The following DTNB variants were observed in gnomAD, a reference collection of about 807,000 sequenced individuals.
DTNB encodes the protein DTN-B.
A neutral mutation model predicts 90.7 loss-of-function variants in DTNB; 63 were observed. That is an observed-to-expected ratio of 0.69 (90% CI 0.57 to 0.86). The LOEUF (loss-of-function observed/expected upper bound fraction) is 0.86, where lower values mean the gene tolerates loss of function less well. DTNB is among the 40% of genes least tolerant of loss of function. The pLI, the probability that DTNB is intolerant of heterozygous loss-of-function variation, is 0.00. For synonymous variants in DTNB, 277 were observed against 286.7 expected (o/e 0.97, Z 0.34); for missense variants, 744 against 807.1 (o/e 0.92, Z 0.95).
At chr2:25,556,855 T>C (rs898482161) in intron 8 of DTNB, among the ~76,000 whole-genome samples, 27 of 152,204 alleles carry the variant, frequency 1.8e-4, no homozygotes, top group Non-Finnish European at 2.5e-4. Context: ...TAAGAAAATA[T>C]AGTGTATTAG....
At chr2:25,527,157 T>C (rs1455826560) in intron 9 of DTNB, among the ~76,000 whole-genome samples, 1 of 152,128 alleles carries the variant, frequency 6.6e-6, no homozygotes, top group Non-Finnish European at 1.5e-5. Flanking sequence ...CAGCCTTAAA[T>C]GCTTCTACTA....
At chr2:25,608,805 C>G (rs2067728399) in intron 4 of DTNB, among the ~76,000 whole-genome samples, 1 of 152,164 alleles carries the variant, frequency 6.6e-6, no homozygotes, top group Non-Finnish European at 1.5e-5. Context: ...TATTTGCTTT[C>G]TCATCTTTCT....
intron 8 of DTNB, among the ~76,000 whole-genome samples, chr2:25,568,455 T>C (rs1442123210): frequency 6.6e-6 from 1 of 151,898 alleles, no homozygotes; most frequent in African/African-American, 2.4e-5. Context: ...AGGTTAAGGC[T>C]AAAGACCATT....
intron 10 of DTNB, among the ~76,000 whole-genome samples, chr2:25,472,377 A>G (rs2062967550): frequency 1.3e-5 from 2 of 152,182 alleles, no homozygotes; most frequent in Admixed American, 1.3e-4. Context: ...TGGCATATGC[A>G]GCCACCTGCC....
At chr2:25,557,675 A>G (rs2057588296) in intron 8 of DTNB, among the ~76,000 whole-genome samples, 1 of 152,240 alleles carries the variant, frequency 6.6e-6, no homozygotes. Flanking sequence ...TGTATATTTA[A>G]CAAACAGCCC....
At chr2:25,574,421 A>C (rs186070430) in intron 8 of DTNB, among the ~76,000 whole-genome samples, 10 of 152,364 alleles carry the variant, frequency 6.6e-5, no homozygotes, top group Admixed American at 5.2e-4. Flanking sequence ...AGAATGAATT[A>C]TACTGCATAG....
intron 15 of DTNB, among the ~76,000 whole-genome samples, chr2:25,426,410 G>A (rs1382050895): frequency 6.6e-6 from 1 of 152,186 alleles, no homozygotes; most frequent in South Asian, 2.1e-4. Context: ...GGTATAAATA[G>A]GCTATAACTT....
intron 16 of DTNB, among the ~76,000 whole-genome samples, chr2:25,398,559 C>G (rs1475779096): frequency 6.6e-6 from 1 of 152,188 alleles, no homozygotes; most frequent in Non-Finnish European, 1.5e-5. Flanking sequence ...GTTCAGGAAG[C>G]CTGGAGACCG....
At chr2:25,448,294 C>T (rs959926400) in intron 12 of DTNB, among the ~76,000 whole-genome samples, 3 of 152,152 alleles carry the variant, frequency 2.0e-5, no homozygotes, top group African/African-American at 7.2e-5. Flanking sequence ...TGGCACAGTA[C>T]AGCAACAAAA....
At chr2:25,431,558 T>A (rs2053853815) in intron 14 of DTNB, among the ~76,000 whole-genome samples, 1 of 152,258 alleles carries the variant, frequency 6.6e-6, no homozygotes, top group Admixed American at 6.5e-5. Context: ...GATTTACATT[T>A]CTGCTTCTTG....
In DTNB at chr2:25,661,504, G is replaced by A. The variant is rs922984396; in HGVS notation, c.-1-8843C>T. On this transcript the variant is annotated intron_variant, in intron 1 of 20. Transcript: ENST00000406818. ...AAACCATAAAGGAATCCAAGGAAGGGATTACTATACAAATCAGGACAGCGA... is the reference window on the plus strand; with the variant it reads ...AAACCATAAAGGAATCCAAGGAAGGAATTACTATACAAATCAGGACAGCGA... Among the ~76,000 whole-genome samples, 6 of 152,218 alleles carry A rather than the reference G, an allele frequency of 3.9e-5. No individual in the cohort carries two copies. The East Asian group carries it at 7.7e-4, about 20-fold the overall frequency.
At chr2:25,607,127 T>C (rs2067274338) in intron 5 of DTNB, 109 bp downstream of exon 5, 2 of 1,170,160 alleles carry the variant, frequency 1.7e-6, no homozygotes, top group Non-Finnish European at 2.4e-6. Context: ...GTGAGTGACA[T>C]GGTAATTTTT....
chr2:25,571,771 C>G (rs1559074760), intron 8 of DTNB, among the ~76,000 whole-genome samples: 1 of 152,136 alleles, frequency 6.6e-6, no homozygotes, highest in Non-Finnish European at 1.5e-5. Flanking sequence ...CAGCCAGTTC[C>G]TTTGGAGACC....
intron 12 of DTNB, among the ~76,000 whole-genome samples, chr2:25,435,532 G>A (rs1197626384): frequency 6.6e-6 from 1 of 152,152 alleles, no homozygotes; most frequent in African/African-American, 2.4e-5. Context: ...TTAGCAAAAT[G>A]TTTTTAAAGT....
At chr2:25,414,928 A>ACT (rs1316747540) in intron 16 of DTNB, among the ~76,000 whole-genome samples, 49 of 152,266 alleles carry the variant, frequency 3.2e-4, no homozygotes, top group Middle Eastern at 3.4e-3. Flanking sequence ...TGGGCTGAAC[A>ACT]GTCACTCAGT....
At chr2:25,497,980 C>T (rs959897040) in intron 9 of DTNB, among the ~76,000 whole-genome samples, 1 of 152,090 alleles carries the variant, frequency 6.6e-6, no homozygotes. Flanking sequence ...CACCATTCTA[C>T]CCCAAATCAT....
At chr2:25,391,551 G>A (rs977826730) in intron 16 of DTNB, among the ~76,000 whole-genome samples, 4 of 152,102 alleles carry the variant, frequency 2.6e-5, no homozygotes, top group Non-Finnish European at 5.9e-5. Context: ...AGACATCACC[G>A]CACACCCACA....
At chr2:25,670,699 G>A (rs1256929097) in intron 1 of DTNB, among the ~76,000 whole-genome samples, 3 of 152,158 alleles carry the variant, frequency 2.0e-5, no homozygotes, top group Non-Finnish European at 4.4e-5. Flanking sequence ...CGTGTAATTC[G>A]AAATCAATAA....
In DTNB at chr2:25,628,196, TGAG is replaced by T; in HGVS notation, c.334_336del (p.Leu112del). 2 of 1,613,808 alleles carry T rather than the reference TGAG, an allele frequency of 1.2e-6. No homozygotes were observed. The highest frequency in any genetic ancestry group is 1.7e-6 in the Non-Finnish European group (2 of 1,179,870). ...CTGTCATATGCAGCAATCATAAAGTTGAGGAGGAGGCTGATAGATTGTTCCACA... is the reference window on the plus strand; with the variant it reads ...CTGTCATATGCAGCAATCATAAAGTTGAGGAGGCTGATAGATTGTTCCACA... On this transcript the variant is annotated inframe_deletion, in exon 4 of 21. Transcript: ENST00000406818.
Sources: gnomAD v4.1 joint callset for allele counts (sites outside exome capture counted in the v4.1 genomes callset) on GRCh38, gnomAD v4.1.1 for gene constraint, MANE v1.5 for transcripts, NCBI Gene and HGNC (gene_info 2026-07-23, HGNC 2026-07-21) for gene names.